Variants in ROBO2 observed in about 807,000 individuals in gnomAD.
The protein encoded by ROBO2 is roundabout guidance receptor 2.
In ROBO2, 53 loss-of-function variants were observed where a neutral mutation model predicts 160.8. The observed-to-expected ratio is 0.33, with a 90% confidence interval of 0.26 to 0.41. The LOEUF (loss-of-function observed/expected upper bound fraction) is 0.41, where lower values mean the gene tolerates loss of function less well. Among genes scored for constraint, ROBO2 ranks in the 10% least tolerant of loss-of-function variants. ROBO2 has a pLI of 1.00. For missense variants in ROBO2, 1,577 were observed against 1,722.4 expected (o/e 0.92, Z 1.49); for synonymous variants, 664 against 611.7 (o/e 1.09, Z -1.26).
At chr3:76,786,048 A>G (rs879327072) in intron 2 of ROBO2, among the ~76,000 whole-genome samples, 1 of 151,280 alleles carries the variant, frequency 6.6e-6, no homozygotes, top group Non-Finnish European at 1.5e-5. Flanking sequence ...ATGTATATCA[A>G]CATATATCAG....
intron 2 of ROBO2, among the ~76,000 whole-genome samples, chr3:76,978,389 G>A (rs1466353929): frequency 1.3e-5 from 2 of 152,114 alleles, no homozygotes; most frequent in South Asian, 2.1e-4. Flanking sequence ...AATACATAGT[G>A]CCACCTTTAT....
rs567607009 is a variant in ROBO2, at chr3:77,277,534, A to G, written c.388+179194A>G. On this transcript the variant is annotated intron_variant, in intron 2 of 25. Transcript: ENST00000461745. ...TGTTCTCATCGTTCATCTCTCACTT[A>G]TAAGTGAGAACGTGTAGTGTTTGGT... Among the ~76,000 whole-genome samples, 5 of 152,096 alleles carry G rather than the reference A, an allele frequency of 3.3e-5. No individual in the cohort carries two copies. The South Asian group carries it at 1.0e-3, about 32-fold the overall frequency.
intron 2 of ROBO2, among the ~76,000 whole-genome samples, chr3:77,293,729 G>A (rs1580780332): frequency 7.1e-6 from 1 of 141,058 alleles, no homozygotes; most frequent in Non-Finnish European, 1.5e-5. Context: ...AAAATTGATG[G>A]TTAAACGGGT....
intron 2 of ROBO2, among the ~76,000 whole-genome samples, chr3:77,382,561 C>T (rs1465163739): frequency 6.6e-6 from 1 of 152,008 alleles, no homozygotes; most frequent in Admixed American, 6.6e-5. Flanking sequence ...TCCTTCACCC[C>T]CTTCCCAACC....
rs149785913 is a variant in ROBO2, at chr3:76,862,769, C to T, written c.110-235245C>T. Among the ~76,000 whole-genome samples the T allele has an allele frequency of 7.3e-3, 1,103 of 151,976 alleles. 14 individuals are homozygous for T. Among genetic ancestry groups the T allele is most frequent in the African/African-American group, 0.025 (1,053 of 41,446 alleles). On this transcript the variant is annotated intron_variant, in intron 2 of 26. Coordinates refer to the ROBO2 transcript ENST00000487694. ...ATGCCAAGATGTCATATTTTGGGGT[C>T]GTATGTCCTGAACCCTTTCAAAATC...
intron 1 of ROBO2, among the ~76,000 whole-genome samples, chr3:75,917,016 G>A (rs139637230): frequency 0.02 from 3,000 of 151,666 alleles, 43 homozygotes; most frequent in Non-Finnish European, 0.03. Context: ...CACATATTGC[G>A]TACTTTCATT....
intron 2 of ROBO2, among the ~76,000 whole-genome samples, chr3:76,698,947 A>C (rs2092990249): frequency 6.6e-6 from 1 of 152,212 alleles, no homozygotes; most frequent in Non-Finnish European, 1.5e-5. Flanking sequence ...TAGAAAGTAA[A>C]GGTTATTTTT....
At chr3:76,250,256 A>G (rs1383235961) in intron 2 of ROBO2, among the ~76,000 whole-genome samples, 2 of 152,134 alleles carry the variant, frequency 1.3e-5, no homozygotes, top group African/African-American at 4.8e-5. Context: ...AATATTAGAA[A>G]TCACATATCG....
chr3:76,757,295 C>A (rs1176697097), intron 2 of ROBO2, among the ~76,000 whole-genome samples: 1 of 151,738 alleles, frequency 6.6e-6, no homozygotes, highest in Admixed American at 6.6e-5. Flanking sequence ...CTGTAAAATG[C>A]AATTACATGA....
intron 2 of ROBO2, among the ~76,000 whole-genome samples, chr3:77,345,595 C>A (rs1464074565): frequency 6.6e-6 from 1 of 152,124 alleles, no homozygotes; most frequent in East Asian, 1.9e-4. Context: ...ATAACTCACA[C>A]AACTATCTTT....
At chr3:76,850,276 T>C (rs1372594057) in intron 2 of ROBO2, among the ~76,000 whole-genome samples, 2 of 152,224 alleles carry the variant, frequency 1.3e-5, no homozygotes, top group African/African-American at 2.4e-5. Flanking sequence ...TCTTAGACTA[T>C]GTAACTTTCT....
At chr3:77,211,212 A>C (rs112182250) in intron 2 of ROBO2, among the ~76,000 whole-genome samples, 5 of 152,302 alleles carry the variant, frequency 3.3e-5, no homozygotes, top group African/African-American at 1.2e-4. Context: ...CCAACAGTGT[A>C]AAAGTGTTCC....
chr3:77,218,491 G>C (rs1350588308), intron 2 of ROBO2, among the ~76,000 whole-genome samples: 1 of 151,448 alleles, frequency 6.6e-6, no homozygotes, highest in African/African-American at 2.4e-5. Context: ...CTCTGCCTCA[G>C]CCTCTCAAGT....
At chr3:76,654,709 G>A (rs765723588) in intron 2 of ROBO2, among the ~76,000 whole-genome samples, 4 of 151,914 alleles carry the variant, frequency 2.6e-5, no homozygotes, top group Non-Finnish European at 4.4e-5. Flanking sequence ...ATCATAAGAA[G>A]CGCTATACCA....
chr3:77,574,180 C>T (rs1425110203), intron 13 of ROBO2, among the ~76,000 whole-genome samples: 1 of 151,988 alleles, frequency 6.6e-6, no homozygotes, highest in African/African-American at 2.4e-5. Flanking sequence ...GTTAGAGATA[C>T]TGGCAGGTCT....
At chr3:76,024,435 G>A (rs2066669962) in intron 2 of ROBO2, among the ~76,000 whole-genome samples, 2 of 151,216 alleles carry the variant, frequency 1.3e-5, no homozygotes, top group South Asian at 2.1e-4. Context: ...ATTTTAAAAT[G>A]TATAGGTCAT....
chr3:76,363,829 A>C (rs1236846057), intron 2 of ROBO2, among the ~76,000 whole-genome samples: 1 of 151,726 alleles, frequency 6.6e-6, no homozygotes, highest in Non-Finnish European at 1.5e-5. Context: ...TTCTTATTTT[A>C]TTTAAAATAT....
chr3:75,908,740 GT>G (rs1946449136), intron 1 of ROBO2, among the ~76,000 whole-genome samples: 1 of 152,058 alleles, frequency 6.6e-6, no homozygotes, highest in Non-Finnish European at 1.5e-5. Flanking sequence ...ATTTTGTGGA[GT>G]TATTTTCCAT....
At position 76,029,163 on chromosome 3, in the gene ROBO2, T is replaced by C. The variant is rs2066837846; in HGVS notation, c.109+91561T>C. 3.3e-5 allele frequency among the ~76,000 whole-genome samples: 5 copies of C among 152,076 alleles called. No homozygotes were observed. In the South Asian group the frequency reaches 1.0e-3, roughly 31 times the overall value. ...AATTCTATCAAGGACCTAATATATTTAGTTTTTTTGTTAAAAACAAATTTC... is the reference window on the plus strand; with the variant it reads ...AATTCTATCAAGGACCTAATATATTCAGTTTTTTTGTTAAAAACAAATTTC... On this transcript the variant is annotated intron_variant, in intron 2 of 26. Coordinates refer to the ROBO2 transcript ENST00000487694.
Sources: gnomAD v4.1 joint callset for allele counts (sites outside exome capture counted in the v4.1 genomes callset) on GRCh38, gnomAD v4.1.1 for gene constraint, MANE v1.5 for transcripts, NCBI Gene and HGNC (gene_info 2026-07-23, HGNC 2026-07-21) for gene names.